SGCD: variants seen among roughly 807,000 people sequenced by gnomAD.
SGCD encodes delta-sarcoglycan.
SGCD carries 18 observed loss-of-function variants against 36.6 expected under a neutral mutation model. That is an observed-to-expected ratio of 0.49 (90% CI 0.34 to 0.73). The LOEUF (loss-of-function observed/expected upper bound fraction) is 0.73. Ranked by LOEUF, SGCD falls within the 30% of genes least tolerant of loss-of-function variation. The pLI, the probability that SGCD is intolerant of heterozygous loss-of-function variation, is 0.01. For missense variants in SGCD, 387 were observed against 346.7 expected (o/e 1.12, Z -0.92); for synonymous variants, 133 against 130.6 (o/e 1.02, Z -0.12).
At chr5:156,293,391 G>A (rs1313986817) in intron 3 of SGCD, among the ~76,000 whole-genome samples, 1 of 151,884 alleles carries the variant, frequency 6.6e-6, no homozygotes, top group African/African-American at 2.4e-5. Context: ...AGAAAGCATT[G>A]CCAATTTCAA....
At chr5:155,954,964 A>G (rs1357946218) in intron 1 of SGCD, among the ~76,000 whole-genome samples, 1 of 152,124 alleles carries the variant, frequency 6.6e-6, no homozygotes, top group Non-Finnish European at 1.5e-5. Context: ...ACCCAAGCAG[A>G]GCCAGTGTTT....
intron 3 of SGCD, among the ~76,000 whole-genome samples, chr5:156,471,214 A>G (rs1013381055): frequency 1.3e-5 from 2 of 152,198 alleles, no homozygotes; most frequent in Non-Finnish European, 2.9e-5. Context: ...AAAATTCCAT[A>G]TTTTTAAGAT....
At chr5:156,185,182 A>G (rs1363586145) in intron 3 of SGCD, among the ~76,000 whole-genome samples, 2 of 147,000 alleles carry the variant, frequency 1.4e-5, no homozygotes, top group Non-Finnish European at 3.0e-5. Context: ...GCTTTGTTAT[A>G]CTGCATGCGT....
chr5:156,516,552 G>T (rs1757180114), intron 4 of SGCD, among the ~76,000 whole-genome samples: 1 of 152,186 alleles, frequency 6.6e-6, no homozygotes, highest in Non-Finnish European at 1.5e-5. Flanking sequence ...AGCTCACAAA[G>T]ATGAGGAAGA....
intron 3 of SGCD, among the ~76,000 whole-genome samples, chr5:156,178,307 A>G (rs1302506651): frequency 6.6e-6 from 1 of 152,184 alleles, no homozygotes; most frequent in Non-Finnish European, 1.5e-5. Context: ...TGTTTTGATA[A>G]TGCTTCGAGT....
intron 5 of SGCD, among the ~76,000 whole-genome samples, chr5:156,592,790 T>C (rs1042449538): frequency 1.3e-5 from 2 of 152,166 alleles, no homozygotes; most frequent in African/African-American, 4.8e-5. Context: ...ATCTCTGCTG[T>C]TTCAATCTCC....
intron 1 of SGCD, among the ~76,000 whole-genome samples, chr5:156,000,179 A>AC (rs954143186): frequency 6.6e-6 from 1 of 151,922 alleles, no homozygotes; most frequent in Non-Finnish European, 1.5e-5. Context: ...TGTTACTCTC[A>AC]CCCCCACAAA....
intron 6 of SGCD, among the ~76,000 whole-genome samples, chr5:156,619,087 G>A (rs1390285446): frequency 1.3e-5 from 2 of 150,374 alleles, no homozygotes; most frequent in South Asian, 2.1e-4. Flanking sequence ...GTGCAGTGGC[G>A]CCATCTTGGC....
chr5:156,639,342 A>C (rs1455321249), intron 6 of SGCD, among the ~76,000 whole-genome samples: 1 of 152,158 alleles, frequency 6.6e-6, no homozygotes, highest in Non-Finnish European at 1.5e-5. Context: ...CCTGAACTTT[A>C]ACACTCTGTT....
intron 1 of SGCD, among the ~76,000 whole-genome samples, chr5:156,099,127 T>A (rs1186866326): frequency 6.6e-6 from 1 of 152,216 alleles, no homozygotes. Flanking sequence ...ACAATACATC[T>A]GGTTGCTATG....
intron 3 of SGCD, among the ~76,000 whole-genome samples, chr5:156,321,709 C>G (rs1158310649): frequency 6.6e-6 from 1 of 152,168 alleles, no homozygotes; most frequent in Admixed American, 6.5e-5. Context: ...TGGAAAATAT[C>G]TATTTTCCCA....
intron 3 of SGCD, among the ~76,000 whole-genome samples, chr5:156,439,243 G>A (rs7737328): frequency 0.45 from 69,085 of 151,940 alleles, 15,830 homozygotes; most frequent in Middle Eastern, 0.6. Flanking sequence ...TGAGTTTCAG[G>A]GAGATTATTA....
At chr5:156,501,603 C>A (rs1756457219) in intron 3 of SGCD, among the ~76,000 whole-genome samples, 1 of 152,200 alleles carries the variant, frequency 6.6e-6, no homozygotes, top group South Asian at 2.1e-4. Flanking sequence ...CCTACCTGTG[C>A]CCCCTTCCCC....
intron 3 of SGCD, among the ~76,000 whole-genome samples, chr5:156,455,386 A>G (rs567414042): frequency 2.6e-5 from 4 of 152,216 alleles, no homozygotes; most frequent in South Asian, 2.1e-4. Flanking sequence ...TCCTGGGATA[A>G]TATCTTCCCC....
chr5:155,987,250 A>T (rs898720289), intron 1 of SGCD, among the ~76,000 whole-genome samples: 1 of 152,106 alleles, frequency 6.6e-6, no homozygotes, highest in African/African-American at 2.4e-5. Context: ...TAGCCCCTAA[A>T]CCCCTCAGTC....
chr5:155,896,977 C>T (rs1369275828), intron 1 of SGCD, among the ~76,000 whole-genome samples: 1 of 152,184 alleles, frequency 6.6e-6, no homozygotes, highest in East Asian at 1.9e-4. Context: ...CACTTATTGG[C>T]ATTCAGGTAT....
Position 156,052,870 on chromosome 5 carries a change from G to C in SGCD, c.-281-65008G>C, listed in dbSNP as rs541153726. 2.1e-3 allele frequency among the ~76,000 whole-genome samples: 304 copies of C among 146,470 alleles called. 20 individuals are homozygous for C. Among genetic ancestry groups the C allele is most frequent in the African/African-American group, 6.9e-3 (282 of 40,774 alleles). ...CCAGACAAAGTCCAGACCCTTGCAG[G>C]CTCCCTGGGGTTTTGCCCAGAGACT... On this transcript the variant is annotated intron_variant, in intron 1 of 9. Transcript: ENST00000517913.
intron 3 of SGCD, among the ~76,000 whole-genome samples, chr5:156,351,400 G>T (rs984365232): frequency 1.3e-5 from 2 of 152,078 alleles, no homozygotes; most frequent in African/African-American, 4.8e-5. Context: ...TCTGGAGACA[G>T]ATGTTCTAAG....
chr5:156,096,919 T>C (rs943493960), intron 1 of SGCD, among the ~76,000 whole-genome samples: 4 of 152,206 alleles, frequency 2.6e-5, no homozygotes, highest in Non-Finnish European at 5.9e-5. Context: ...TTTTCCTTCA[T>C]CTGAGAATAT....
Sources: allele counts gnomAD v4.1 joint callset (sites outside exome capture counted in the v4.1 genomes callset), GRCh38; gene constraint gnomAD v4.1.1; transcripts MANE v1.5; gene names NCBI Gene and HGNC (gene_info 2026-07-23, HGNC 2026-07-21).